The following PITPNC1 variants were observed in gnomAD, a reference collection of about 807,000 sequenced individuals.
The protein encoded by PITPNC1 is cytoplasmic phosphatidylinositol transfer protein 1.
Under a neutral mutation model 44.7 loss-of-function variants are expected in PITPNC1, and 18 were observed. The observed-to-expected ratio is 0.40, with a 90% CI of 0.28 to 0.60. PITPNC1 has a LOEUF of 0.60. PITPNC1 is among the 20% of genes least tolerant of loss of function. PITPNC1 has a pLI of 0.39. For synonymous variants in PITPNC1, 141 were observed against 149.6 expected (o/e 0.94, Z 0.42); for missense variants, 290 against 418.4 (o/e 0.69, Z 2.68).
intron 5 of PITPNC1, among the ~76,000 whole-genome samples, chr17:67,610,242 C>T (rs1261694576): frequency 6.6e-6 from 1 of 152,068 alleles, no homozygotes; most frequent in East Asian, 1.9e-4. Flanking sequence ...CAAGATTTCC[C>T]AGGTGTTGTG....
At position 67,429,503 on chromosome 17, in the gene PITPNC1, A is replaced by T. The variant is rs574774987; in HGVS notation, c.48+51301A>T. ...TCATCTGAGGTCAGGAATTGAGACC[A>T]ACCTGGCCATCATGGTGAAACCCCA... On this transcript the variant is annotated intron_variant, in intron 1 of 8. Coordinates refer to ENST00000581322, the MANE Select transcript of PITPNC1 (RefSeq NM_012417.4). 2.6e-5 allele frequency among the ~76,000 whole-genome samples: 4 copies of T among 151,814 alleles called. No individual in the cohort carries two copies. In the South Asian group the frequency reaches 6.2e-4, roughly 24 times the overall value.
intron 4 of PITPNC1, among the ~76,000 whole-genome samples, chr17:67,559,770 C>T (rs1278607868): frequency 2.0e-5 from 3 of 152,100 alleles, no homozygotes; most frequent in African/African-American, 4.8e-5. Flanking sequence ...GCCTGTAATC[C>T]CAGCTCCTCG....
chr17:67,673,807 C>T (rs1026954586), intron 7 of PITPNC1, among the ~76,000 whole-genome samples: 8 of 151,226 alleles, frequency 5.3e-5, no homozygotes, highest in Non-Finnish European at 8.8e-5. Flanking sequence ...AAAAATTAGC[C>T]GGGCATGGTG....
intron 1 of PITPNC1, among the ~76,000 whole-genome samples, chr17:67,460,350 C>T (rs2039317849): frequency 6.6e-6 from 1 of 152,098 alleles, no homozygotes; most frequent in South Asian, 2.1e-4. Flanking sequence ...CCTAGTTGAC[C>T]CCTTGCTGCA....
chr17:67,512,801 G>A (rs1052434450), intron 1 of PITPNC1, among the ~76,000 whole-genome samples: 29 of 151,498 alleles, frequency 1.9e-4, no homozygotes, highest in Admixed American at 1.1e-3. Context: ...GAAAAGCTGC[G>A]TTCTAGGTGC....
intron 6 of PITPNC1, among the ~76,000 whole-genome samples, chr17:67,641,471 G>T (rs536125161): frequency 1.3e-5 from 2 of 152,090 alleles, no homozygotes; most frequent in Non-Finnish European, 2.9e-5. Context: ...TGCAGCACAC[G>T]CCTGTCTAGT....
At position 67,511,063 on chromosome 17, in the gene PITPNC1, A is replaced by C. The variant is rs1219715467; in HGVS notation, c.49-21739A>C. 7.2e-5 allele frequency among the ~76,000 whole-genome samples: 11 copies of C among 152,248 alleles called. No individual in the cohort carries two copies. In the East Asian group the frequency reaches 1.9e-3, roughly 27 times the overall value. On this transcript the variant is annotated intron_variant, in intron 1 of 8. Transcript: ENST00000581322. ...TTTCTTTTTCTATTCATATATGAGTACACGCGTTTGCATTTTAGCAAAACT... is the reference window on the plus strand; with the variant it reads ...TTTCTTTTTCTATTCATATATGAGTCCACGCGTTTGCATTTTAGCAAAACT...
intron 5 of PITPNC1, among the ~76,000 whole-genome samples, chr17:67,591,596 T>C (rs2041392009): frequency 6.6e-6 from 1 of 152,174 alleles, no homozygotes; most frequent in African/African-American, 2.4e-5. Context: ...GGCTGGAGAA[T>C]CTGGGTAAAG....
At chr17:67,669,485 T>G in intron 6 of PITPNC1, 23 bp from the exon 7 acceptor site, 2 of 1,436,154 alleles carry the variant, frequency 1.4e-6, no homozygotes, top group Non-Finnish European at 1.8e-6. Flanking sequence ...ATATATCAAT[T>G]TCTTTGATTT....
intron 4 of PITPNC1, among the ~76,000 whole-genome samples, chr17:67,576,573 C>G (rs749602694): frequency 6.6e-6 from 1 of 152,204 alleles, no homozygotes; most frequent in East Asian, 1.9e-4. Context: ...GCCCATTAGC[C>G]GTCAATCCCA....
intron 1 of PITPNC1, among the ~76,000 whole-genome samples, chr17:67,383,146 A>G (rs889823020): frequency 2.7e-5 from 4 of 150,146 alleles, no homozygotes; most frequent in African/African-American, 9.8e-5. Context: ...ACAGGCTTGT[A>G]CCACCCCAGC....
At chr17:67,581,794 GA>G (rs1671149438) in intron 5 of PITPNC1, among the ~76,000 whole-genome samples, 1 of 152,234 alleles carries the variant, frequency 6.6e-6, no homozygotes, top group Admixed American at 6.5e-5. Context: ...AGCACTTTGG[GA>G]GGCTGAGGTG....
At chr17:67,584,083 A>G (rs947939023) in intron 5 of PITPNC1, among the ~76,000 whole-genome samples, 4 of 152,048 alleles carry the variant, frequency 2.6e-5, no homozygotes, top group Admixed American at 1.3e-4. Context: ...CTAAGGGGCA[A>G]CAAGACTGAG....
At chr17:67,463,993 AGACCAGTCT>A (rs1489896326) in intron 1 of PITPNC1, among the ~76,000 whole-genome samples, 1 of 152,260 alleles carries the variant, frequency 6.6e-6, no homozygotes, top group Admixed American at 6.5e-5. Context: ...CAAGAGTTCG[AGACCAGTCT>A]GGCCAACACA....
intron 1 of PITPNC1, among the ~76,000 whole-genome samples, chr17:67,419,916 C>CA (rs200551679): frequency 0.074 from 10,457 of 140,760 alleles, 416 homozygotes; most frequent in East Asian, 0.15. Context: ...GACCCTGTCT[C>CA]AAAAAAAAAA....
At chr17:67,620,950 GC>G (rs1179212705) in intron 5 of PITPNC1, among the ~76,000 whole-genome samples, 12 of 152,262 alleles carry the variant, frequency 7.9e-5, no homozygotes, top group African/African-American at 2.4e-4. Flanking sequence ...GTTCTCTGGG[GC>G]CCCCACATGG....
In PITPNC1 at chr17:67,464,107, C is replaced by T. The variant is rs368829653; in HGVS notation, c.49-68695C>T. On this transcript the variant is annotated intron_variant, in intron 1 of 8. Transcript: ENST00000581322. ...ATTCTGGAGGCTGAGGCAGGAGAATCGCTTGAACCCGGGAGGCAGAGGTTG... is the reference window on the plus strand; with the variant it reads ...ATTCTGGAGGCTGAGGCAGGAGAATTGCTTGAACCCGGGAGGCAGAGGTTG... Among the ~76,000 whole-genome samples the T allele has an allele frequency of 4.0e-5, 6 of 151,666 alleles. No individual in the cohort carries two copies. The South Asian group carries it at 6.2e-4, about 16-fold the overall frequency.
intron 1 of PITPNC1, among the ~76,000 whole-genome samples, chr17:67,390,613 G>A (rs1281111262): frequency 6.6e-6 from 1 of 152,178 alleles, no homozygotes; most frequent in Non-Finnish European, 1.5e-5. Context: ...TCCCATCAAG[G>A]GCTTTATTCT....
chr17:67,527,049 T>C (rs1363158072), intron 1 of PITPNC1, among the ~76,000 whole-genome samples: 1 of 152,196 alleles, frequency 6.6e-6, no homozygotes, highest in African/African-American at 2.4e-5. Context: ...TAACAATAGA[T>C]TTTACAAAGT....
Sources: gnomAD v4.1 joint callset for allele counts (sites outside exome capture counted in the v4.1 genomes callset) on GRCh38, gnomAD v4.1.1 for gene constraint, MANE v1.5 for transcripts, NCBI Gene and HGNC (gene_info 2026-07-23, HGNC 2026-07-21) for gene names.